The following CPLX4 variants were observed in gnomAD, a reference collection of about 807,000 sequenced individuals.
CPLX4 encodes complexin-4.
In CPLX4, 17 loss-of-function variants were observed where a neutral mutation model predicts 16.1. The observed-to-expected ratio is 1.06, with a 90% CI of 0.72 to 1.59. The LOEUF is 1.59. Ranked by LOEUF, CPLX4 falls within the 40% of genes most tolerant of loss-of-function variation. CPLX4 has a pLI of 0.00. For synonymous variants in CPLX4, 55 were observed against 57.8 expected, an observed-to-expected ratio of 0.95 and a Z score of 0.22; for missense variants, 193 against 192.9, an observed-to-expected ratio of 1.00 and a Z score of 0.00.
At chr18:59,309,822 C>CAAAAAAAAAA (rs369580193) in intron 2 of CPLX4, among the ~76,000 whole-genome samples, 1 of 87,004 alleles carries the variant, frequency 1.1e-5, no homozygotes, top group Non-Finnish European at 2.3e-5. Context: ...GACTCTGTGT[C>CAAAAAAAAAA]AAAAAAAAAA....
At chr18:59,314,572 A>G (rs1040208140) in intron 1 of CPLX4, among the ~76,000 whole-genome samples, 1 of 152,164 alleles carries the variant, frequency 6.6e-6, no homozygotes, top group African/African-American at 2.4e-5. Context: ...TGATTCCCCA[A>G]AAAGCACACA....
intron 2 of CPLX4, among the ~76,000 whole-genome samples, chr18:59,310,495 T>C (rs2070609469): frequency 6.6e-6 from 1 of 152,108 alleles, no homozygotes; most frequent in African/African-American, 2.4e-5. Flanking sequence ...TTACCATTAG[T>C]GGAGAAACAG....
chr18:59,301,506 A>G (rs2070541102), intron 2 of CPLX4, among the ~76,000 whole-genome samples: 2 of 152,306 alleles, frequency 1.3e-5, no homozygotes, highest in South Asian at 4.1e-4. Context: ...CTTGAAGCCA[A>G]TTACTCTGGG....
At chr18:59,297,074 G>A in intron 2 of CPLX4, 149 bp from the exon 3 acceptor site, 1 of 1,303,390 alleles carries the variant, frequency 7.7e-7, no homozygotes, top group East Asian at 2.5e-5. Context: ...GGTCCTGATG[G>A]CAGTTGTGGG....
chr18:59,307,936 ATT>A (rs34676647), intron 2 of CPLX4, among the ~76,000 whole-genome samples: 25 of 144,298 alleles, frequency 1.7e-4, no homozygotes, highest in Non-Finnish European at 1.8e-4. Context: ...TGCCCGGCTA[ATT>A]TTTTTTTTTT....
chr18:59,315,865 C>T (rs1046507706), intron 1 of CPLX4, among the ~76,000 whole-genome samples: 1 of 152,138 alleles, frequency 6.6e-6, no homozygotes, highest in Non-Finnish European at 1.5e-5. Context: ...GATACTAATG[C>T]CACGCAGAGT....
At position 59,299,652 on chromosome 18, in the gene CPLX4, C is replaced by T. The variant is rs150885544; in HGVS notation, c.256-2727G>A. Among the ~76,000 whole-genome samples, 445 of 152,272 alleles carry T rather than the reference C, an allele frequency of 2.9e-3. 2 individuals carry two copies. Among genetic ancestry groups the T allele is most frequent in the Non-Finnish European group, 4.5e-3 (308 of 68,026 alleles). ...CTCCTTCAAGGGTGACTCTGAGGTT[C>T]GTTTTATCCTTGTGCTTCTTGCTCA... On this transcript the variant is annotated intron_variant, in intron 2 of 2. Transcript: ENST00000299721.
chr18:59,300,726 T>C (rs1365917215), intron 2 of CPLX4, among the ~76,000 whole-genome samples: 1 of 152,208 alleles, frequency 6.6e-6, no homozygotes, highest in Non-Finnish European at 1.5e-5. Context: ...ATAAAAATAA[T>C]AACCTTCAGA....
Position 59,315,792 on chromosome 18 carries a change from T to A in CPLX4, c.167+2504A>T, listed in dbSNP as rs117503946. Among the ~76,000 whole-genome samples, 1,114 of 152,324 alleles carry A rather than the reference T, an allele frequency of 7.3e-3. 7 individuals carry two copies. The highest frequency in any genetic ancestry group is 0.013 in the Non-Finnish European group (877 of 68,030). On this transcript the variant is annotated intron_variant, in intron 1 of 2. Coordinates refer to ENST00000299721, the MANE Select transcript of CPLX4 (RefSeq NM_181654.4). ...TGTTGAAAAGACTTTCCGTTCCTGGTCTGATTATTTTGGCGCTTTTGTTGA... is the reference window on the plus strand; with the variant it reads ...TGTTGAAAAGACTTTCCGTTCCTGGACTGATTATTTTGGCGCTTTTGTTGA...
At chr18:59,313,816 A>G in intron 1 of CPLX4, among the ~76,000 whole-genome samples, 1 of 152,222 alleles carries the variant, frequency 6.6e-6, no homozygotes, top group South Asian at 2.1e-4. Context: ...AGAGATAGGG[A>G]AAGAGTGCTC....
chr18:59,303,691 C>T (rs2070556724), intron 2 of CPLX4, among the ~76,000 whole-genome samples: 2 of 152,210 alleles, frequency 1.3e-5, no homozygotes, highest in Non-Finnish European at 2.9e-5. Flanking sequence ...CCTCACAGGG[C>T]ACTTGTGAAG....
intron 1 of CPLX4, among the ~76,000 whole-genome samples, chr18:59,315,508 C>T (rs977911813): frequency 1.3e-5 from 2 of 152,208 alleles, no homozygotes; most frequent in South Asian, 2.1e-4. Context: ...CATCTTTTAA[C>T]GTATAAAAGT....
At chr18:59,313,353 G>C (rs995990962) in intron 1 of CPLX4, among the ~76,000 whole-genome samples, 2 of 152,176 alleles carry the variant, frequency 1.3e-5, no homozygotes, top group Admixed American at 6.5e-5. Flanking sequence ...TTTCTTCCCA[G>C]TTTGGAAGGA....
intron 1 of CPLX4, among the ~76,000 whole-genome samples, chr18:59,317,333 T>C (rs1251620273): frequency 6.6e-6 from 1 of 152,140 alleles, no homozygotes; most frequent in Non-Finnish European, 1.5e-5. Context: ...ACCTCTAGAT[T>C]GATGTTTCAT....
intron 2 of CPLX4, among the ~76,000 whole-genome samples, chr18:59,304,924 A>AGTGT (rs56041280): frequency 0.042 from 5,920 of 142,080 alleles, 186 homozygotes; most frequent in African/African-American, 0.08. Context: ...CTCAACAATC[A>AGTGT]GTGTGTGTGT....
rs5825327 is a variant in CPLX4, at chr18:59,295,567, C to CAAAAAAAAAAAAAAA, written c.*1116_*1130dup. 1 of 140,378 alleles carries CAAAAAAAAAAAAAAA rather than the reference C, an allele frequency of 7.1e-6. No homozygotes were observed. The allele number at this position is 140,378 out of a possible 1,614,324, so 8.7% of individuals were successfully genotyped here. A position where few individuals can be genotyped will look rare whatever the true frequency, so the allele number is the denominator to read the frequency against. On this transcript the variant is annotated 3_prime_UTR_variant, in exon 3 of 3. Coordinates refer to ENST00000299721, the MANE Select transcript of CPLX4 (RefSeq NM_181654.4). ...TTATTCACTGTATGAACAGAGTCAC[C>CAAAAAAAAAAAAAAA]AAAAAAAAAAAAAAAAATCAGTATT... is the stretch of plus-strand genomic sequence containing the variant.
intron 2 of CPLX4, among the ~76,000 whole-genome samples, chr18:59,311,747 G>A (rs2070618249): frequency 6.6e-6 from 1 of 152,210 alleles, no homozygotes; most frequent in South Asian, 2.1e-4. Context: ...ATGAGTCAGA[G>A]TAGCAAAGTG....
chr18:59,304,693 T>C (rs1243654598), intron 2 of CPLX4, among the ~76,000 whole-genome samples: 1 of 152,106 alleles, frequency 6.6e-6, no homozygotes, highest in Admixed American at 6.5e-5. Context: ...TGCCTCAGCC[T>C]CCCGAGTAGC....
At chr18:59,303,193 C>T (rs1019275376) in intron 2 of CPLX4, among the ~76,000 whole-genome samples, 14 of 152,178 alleles carry the variant, frequency 9.2e-5, no homozygotes, top group Admixed American at 2.0e-4. Context: ...CCCACTGCTG[C>T]CCTTCCCTCT....
Sources: allele counts gnomAD v4.1 joint callset (sites outside exome capture counted in the v4.1 genomes callset), GRCh38; gene constraint gnomAD v4.1.1; transcripts MANE v1.5; gene names NCBI Gene and HGNC (gene_info 2026-07-23, HGNC 2026-07-21).